The following LRP1B variants were observed in gnomAD, a reference collection of about 807,000 sequenced individuals.
LRP1B encodes low-density lipoprotein receptor-related protein 1B.
LRP1B carries 217 observed loss-of-function variants against 556.6 expected under a neutral mutation model. That is an observed-to-expected ratio of 0.39 (90% CI 0.35 to 0.44). LRP1B has a LOEUF of 0.44. Among genes scored for constraint, LRP1B ranks in the 20% least tolerant of loss-of-function variants. LRP1B has a pLI of 1.00. For missense variants in LRP1B, 5,053 were observed against 5,620.8 expected (o/e 0.90, Z 3.23); for synonymous variants, 2,047 against 1,865.8 (o/e 1.10, Z -2.50).
chr2:141,988,365 G>T (rs1702258770), intron 1 of LRP1B, among the ~76,000 whole-genome samples: 2 of 151,724 alleles, frequency 1.3e-5, no homozygotes, highest in East Asian at 1.9e-4. Context: ...GCAGTAGTTG[G>T]CAACTTATAT....
At chr2:140,683,711 A>C (rs1455974496) in intron 41 of LRP1B, 3 of 738,204 alleles carry the variant, frequency 4.1e-6, no homozygotes, top group Non-Finnish European at 7.3e-6. Context: ...CTGTCATTAG[A>C]GACACTCTGT....
chr2:142,075,579 C>T (rs891434476), intron 1 of LRP1B, among the ~76,000 whole-genome samples: 41 of 152,212 alleles, frequency 2.7e-4, no homozygotes, highest in Non-Finnish European at 4.4e-4. Flanking sequence ...GCCATAGTTC[C>T]ATCATAACTT....
intron 7 of LRP1B, among the ~76,000 whole-genome samples, chr2:141,133,846 T>C (rs1701423198): frequency 6.6e-6 from 1 of 151,956 alleles, no homozygotes. Context: ...GATTTTTAAA[T>C]CTTAAGTCCA....
chr2:141,460,017 A>G (rs564151481), intron 3 of LRP1B, among the ~76,000 whole-genome samples: 1 of 152,292 alleles, frequency 6.6e-6, no homozygotes, highest in Non-Finnish European at 1.5e-5. Context: ...TGGTCTCAGA[A>G]TTCTAAATCA....
chr2:141,185,082 G>A (rs555860669), intron 7 of LRP1B, among the ~76,000 whole-genome samples: 14 of 152,160 alleles, frequency 9.2e-5, no homozygotes, highest in East Asian at 1.9e-4. Context: ...TCATTGAGGC[G>A]AAATGAAGAA....
intron 41 of LRP1B, among the ~76,000 whole-genome samples, chr2:140,647,228 T>C (rs1684516749): frequency 6.6e-6 from 1 of 152,184 alleles, no homozygotes; most frequent in African/African-American, 2.4e-5. Flanking sequence ...GTCTCAATAA[T>C]GTTTTAAAAA....
At chr2:142,045,155 A>C (rs1198478291) in intron 1 of LRP1B, among the ~76,000 whole-genome samples, 2 of 139,798 alleles carry the variant, frequency 1.4e-5, no homozygotes, top group Non-Finnish European at 3.2e-5. Flanking sequence ...AAAAAAAAAA[A>C]ACAACAACAA....
chr2:140,450,347 G>A (rs753428464), intron 63 of LRP1B, among the ~76,000 whole-genome samples: 10 of 152,050 alleles, frequency 6.6e-5, no homozygotes, highest in Non-Finnish European at 1.0e-4. Context: ...AATCTAACAC[G>A]AATGGCTTAT....
chr2:140,264,106 G>T (rs1291473378), intron 86 of LRP1B, among the ~76,000 whole-genome samples: 2 of 152,068 alleles, frequency 1.3e-5, no homozygotes, highest in Non-Finnish European at 2.9e-5. Flanking sequence ...CATTCACATG[G>T]CCATCACTGT....
At chr2:140,655,311 T>C (rs1684839862) in intron 41 of LRP1B, among the ~76,000 whole-genome samples, 1 of 152,214 alleles carries the variant, frequency 6.6e-6, no homozygotes, top group Non-Finnish European at 1.5e-5. Context: ...GTCTATTTTA[T>C]GTCCTAAATT....
At chr2:141,046,202 CTT>C (rs1698865338) in intron 11 of LRP1B, among the ~76,000 whole-genome samples, 2 of 152,120 alleles carry the variant, frequency 1.3e-5, no homozygotes, top group African/African-American at 2.4e-5. Flanking sequence ...ACAGCAAACT[CTT>C]TATACCCTTG....
intron 6 of LRP1B, among the ~76,000 whole-genome samples, chr2:141,225,312 T>C (rs536185916): frequency 1.7e-3 from 259 of 152,262 alleles, no homozygotes; most frequent in Non-Finnish European, 3.1e-3. Flanking sequence ...AAAAAGACAA[T>C]GAAAGTGTTT....
At chr2:140,255,679 A>G (rs1482693825) in intron 86 of LRP1B, among the ~76,000 whole-genome samples, 2 of 152,164 alleles carry the variant, frequency 1.3e-5, no homozygotes, top group Admixed American at 1.3e-4. Flanking sequence ...GCATGAAAAC[A>G]TGGAAGAGGC....
intron 9 of LRP1B, among the ~76,000 whole-genome samples, chr2:141,057,337 C>G (rs1409113994): frequency 1.3e-5 from 2 of 151,846 alleles, no homozygotes; most frequent in Middle Eastern, 3.2e-3. Context: ...CTTGTTCGTT[C>G]TGCTTTAGAC....
intron 41 of LRP1B, among the ~76,000 whole-genome samples, chr2:140,617,199 A>C (rs1683288282): frequency 6.6e-6 from 1 of 151,854 alleles, no homozygotes; most frequent in Non-Finnish European, 1.5e-5. Flanking sequence ...TTTTTGTCTA[A>C]CTGCACAAAT....
chr2:140,291,319 T>TATATATATATATATATATATATATATA (rs1553440647), intron 84 of LRP1B, among the ~76,000 whole-genome samples: 3 of 57,406 alleles, frequency 5.2e-5, no homozygotes, highest in Non-Finnish European at 9.7e-5. Flanking sequence ...TATATATATA[T>TATATATATATATATATATATATATATA]TTTTATTATA....
intron 41 of LRP1B, among the ~76,000 whole-genome samples, chr2:140,693,559 G>A (rs1402373556): frequency 6.6e-6 from 1 of 152,036 alleles, no homozygotes; most frequent in Non-Finnish European, 1.5e-5. Flanking sequence ...TTGACTTTTT[G>A]CATCATGAAA....
intron 82 of LRP1B, among the ~76,000 whole-genome samples, 182 bp from the exon 83 acceptor site, chr2:140,315,281 G>A (rs991823326): frequency 6.6e-6 from 1 of 151,846 alleles, no homozygotes; most frequent in African/African-American, 2.4e-5. Flanking sequence ...GTTGTTGAAT[G>A]GTAAATATAC....
intron 35 of LRP1B, among the ~76,000 whole-genome samples, chr2:140,724,607 G>A (rs1378672000): frequency 1.3e-5 from 2 of 152,084 alleles, no homozygotes; most frequent in African/African-American, 2.4e-5. Flanking sequence ...ACAGGATGTA[G>A]CTATTATATG....
Sources: allele counts gnomAD v4.1 joint callset (sites outside exome capture counted in the v4.1 genomes callset), GRCh38; gene constraint gnomAD v4.1.1; transcripts MANE v1.5; gene names NCBI Gene and HGNC (gene_info 2026-07-23, HGNC 2026-07-21).